ADAMTSL3: variants seen among roughly 807,000 people sequenced by gnomAD.
ADAMTSL3 encodes the protein ADAMTS like 3.
ADAMTSL3 carries 128 observed loss-of-function variants against 201.7 expected under a neutral mutation model. The observed-to-expected ratio is 0.63, with a 90% CI of 0.55 to 0.73. The LOEUF (loss-of-function observed/expected upper bound fraction) is 0.73. Ranked by LOEUF, ADAMTSL3 falls within the 30% of genes least tolerant of loss-of-function variation. The pLI, the probability that ADAMTSL3 is intolerant of heterozygous loss-of-function variation, is 0.00. For missense variants in ADAMTSL3, 1,990 were observed against 2,119.6 expected, an observed-to-expected ratio of 0.94 and a Z score of 1.20; for synonymous variants, 738 against 748.4, an observed-to-expected ratio of 0.99 and a Z score of 0.23.
chr15:84,036,725 G>T (rs2068512974), intron 28 of ADAMTSL3, 48 bp from the exon 29 acceptor site: 1 of 1,492,262 alleles, frequency 6.7e-7, no homozygotes, highest in African/African-American at 1.4e-5. Flanking sequence ...GTTACACCCT[G>T]CCTCTCCTAT....
chr15:83,988,525 C>G (rs957673764), intron 21 of ADAMTSL3, among the ~76,000 whole-genome samples, 166 bp from the exon 22 acceptor site: 1 of 152,190 alleles, frequency 6.6e-6, no homozygotes, highest in Non-Finnish European at 1.5e-5. Flanking sequence ...CCCTCCTGGT[C>G]TATATAGTTC....
intron 15 of ADAMTSL3, among the ~76,000 whole-genome samples, chr15:83,906,286 C>T (rs1449107171): frequency 1.3e-5 from 2 of 152,124 alleles, no homozygotes; most frequent in Admixed American, 6.5e-5. Flanking sequence ...AAAATTGCTT[C>T]AGCCGTTTGG....
intron 3 of ADAMTSL3, among the ~76,000 whole-genome samples, chr15:83,751,534 G>T (rs2062636763): frequency 6.6e-6 from 1 of 152,152 alleles, no homozygotes; most frequent in South Asian, 2.1e-4. Context: ...GTGGGTGTTG[G>T]TGCTTTTTTT....
At chr15:83,675,982 T>C (rs921141533) in intron 2 of ADAMTSL3, among the ~76,000 whole-genome samples, 1 of 152,324 alleles carries the variant, frequency 6.6e-6, no homozygotes, top group Non-Finnish European at 1.5e-5. Context: ...TTCTCTTTTA[T>C]TCTTTGTAAT....
chr15:83,842,102 A>T (rs560505889), intron 7 of ADAMTSL3, among the ~76,000 whole-genome samples: 1 of 150,770 alleles, frequency 6.6e-6, no homozygotes, highest in South Asian at 2.1e-4. Flanking sequence ...TCTACCATTC[A>T]ATAAAACCTT....
At chr15:83,837,144 T>C (rs2064290017) in intron 6 of ADAMTSL3, among the ~76,000 whole-genome samples, 1 of 152,042 alleles carries the variant, frequency 6.6e-6, no homozygotes, top group African/African-American at 2.4e-5. Flanking sequence ...ATATGAGACA[T>C]CTCTCCTTTT....
intron 6 of ADAMTSL3, among the ~76,000 whole-genome samples, chr15:83,826,159 G>T (rs1469927413): frequency 6.6e-6 from 1 of 152,122 alleles, no homozygotes; most frequent in East Asian, 1.9e-4. Context: ...AGGCTGGAGT[G>T]TAATGGTGTG....
At chr15:83,743,279 C>A (rs368452535) in intron 3 of ADAMTSL3, among the ~76,000 whole-genome samples, 1 of 151,714 alleles carries the variant, frequency 6.6e-6, no homozygotes, top group Non-Finnish European at 1.5e-5. Flanking sequence ...TTTGGGAGGC[C>A]GAGGCGGGTG....
At chr15:83,891,425 C>G (rs1177282060) in intron 12 of ADAMTSL3, 46 bp downstream of exon 12, 7 of 1,516,934 alleles carry the variant, frequency 4.6e-6, no homozygotes, top group Non-Finnish European at 6.4e-6. Flanking sequence ...AAGTAGTTTG[C>G]AAGGAACTGT....
chr15:83,715,697 G>T (rs1187698963), intron 3 of ADAMTSL3, among the ~76,000 whole-genome samples: 1 of 152,116 alleles, frequency 6.6e-6, no homozygotes, highest in Admixed American at 6.6e-5. Context: ...CCTTACATGG[G>T]TCCTTGTTTC....
intron 19 of ADAMTSL3, among the ~76,000 whole-genome samples, chr15:83,969,892 G>C (rs2067160903): frequency 6.6e-6 from 1 of 152,138 alleles, no homozygotes; most frequent in Admixed American, 6.5e-5. Flanking sequence ...AAGTGTTCTA[G>C]TCATAAATAA....
At chr15:83,756,599 G>GCCCCC (rs35325384) in intron 3 of ADAMTSL3, among the ~76,000 whole-genome samples, 1 of 142,696 alleles carries the variant, frequency 7.0e-6, no homozygotes, top group Admixed American at 7.3e-5. Context: ...TTTCACCCCT[G>GCCCCC]CCCCCCCCCC....
chr15:83,658,460 C>T (rs945316633), intron 2 of ADAMTSL3, among the ~76,000 whole-genome samples: 5 of 152,238 alleles, frequency 3.3e-5, no homozygotes, highest in African/African-American at 1.2e-4. Context: ...CTTATATTCA[C>T]TGCCCACAAA....
intron 13 of ADAMTSL3, 114 bp from the exon 14 acceptor site, chr15:83,897,744 G>T: frequency 8.2e-7 from 1 of 1,214,492 alleles, no homozygotes. Context: ...TTGTCTAAAA[G>T]TCTTTTGTGT....
rs188917604 is a variant in ADAMTSL3, at chr15:83,709,520, G to A, written c.189+5012G>A. The stretch of plus-strand genomic sequence containing the variant: ...AGCTGGATATTGGTCACTGCACATG[G>A]TTCTTTTCATCGCTGAGTAAGTCAG... On this transcript the variant is annotated intron_variant, in intron 3 of 29. Transcript: ENST00000286744. 3.5e-4 allele frequency among the ~76,000 whole-genome samples: 54 copies of A among 152,260 alleles called. No individual in the cohort carries two copies. The East Asian group carries it at 6.8e-3, about 19-fold the overall frequency.
intron 3 of ADAMTSL3, among the ~76,000 whole-genome samples, chr15:83,743,418 C>G (rs1172006097): frequency 1.3e-5 from 2 of 148,666 alleles, no homozygotes; most frequent in African/African-American, 2.5e-5. Context: ...GAGGCTGAGG[C>G]AGGAGAATGG....
At chr15:83,811,695 G>T (rs1388306984) in intron 5 of ADAMTSL3, among the ~76,000 whole-genome samples, 3 of 152,170 alleles carry the variant, frequency 2.0e-5, no homozygotes, top group African/African-American at 7.2e-5. Context: ...TAGATGCTTG[G>T]GGTAGAGTAG....
intron 6 of ADAMTSL3, among the ~76,000 whole-genome samples, chr15:83,823,011 A>G (rs1158820791): frequency 6.6e-5 from 10 of 151,948 alleles, no homozygotes; most frequent in Non-Finnish European, 1.3e-4. Context: ...CGGCCAACAC[A>G]GCGAAACCCC....
chr15:83,964,196 G>T (rs1273503735), intron 19 of ADAMTSL3, among the ~76,000 whole-genome samples: 1 of 152,088 alleles, frequency 6.6e-6, no homozygotes, highest in Non-Finnish European at 1.5e-5. Flanking sequence ...ACAGAAGTAG[G>T]CTTCAGAAGG....
Sources: gnomAD v4.1 joint callset for allele counts (sites outside exome capture counted in the v4.1 genomes callset) on GRCh38, gnomAD v4.1.1 for gene constraint, MANE v1.5 for transcripts, NCBI Gene and HGNC (gene_info 2026-07-23, HGNC 2026-07-21) for gene names.